Variants in GRID2 observed in about 807,000 individuals in gnomAD.
The protein encoded by GRID2 is glutamate ionotropic receptor delta type subunit 2, also known as glutamate receptor ionotropic, delta-2.
A neutral mutation model predicts 114.8 loss-of-function variants in GRID2; 33 were observed. That is an observed-to-expected ratio of 0.29 (90% CI 0.22 to 0.38). The LOEUF (loss-of-function observed/expected upper bound fraction) is 0.38, where lower values mean the gene tolerates loss of function less well. GRID2 is among the 10% of genes least tolerant of loss of function. The probability of loss-of-function intolerance (pLI) is 1.00; values close to 1 mark genes in which losing one functional copy is unlikely to be tolerated. For missense variants in GRID2, 1,184 were observed against 1,257.7 expected, an observed-to-expected ratio of 0.94 and a Z score of 0.89; for synonymous variants, 505 against 449.9, an observed-to-expected ratio of 1.12 and a Z score of -1.55.
At chr4:93,023,984 C>T (rs1336100730) in intron 2 of GRID2, among the ~76,000 whole-genome samples, 1 of 151,682 alleles carries the variant, frequency 6.6e-6, no homozygotes, top group Non-Finnish European at 1.5e-5. Flanking sequence ...CCACCTAGCC[C>T]ATTGTTGAGC....
chr4:93,264,352 T>C (rs950825970), intron 8 of GRID2, among the ~76,000 whole-genome samples: 1 of 151,924 alleles, frequency 6.6e-6, no homozygotes, highest in African/African-American at 2.4e-5. Context: ...ATAGTATGAG[T>C]TTTTCCAGGT....
intron 13 of GRID2, among the ~76,000 whole-genome samples, chr4:93,581,678 G>A (rs1736996466): frequency 1.3e-5 from 2 of 151,926 alleles, no homozygotes; most frequent in African/African-American, 4.8e-5. Context: ...AGATAGTCAG[G>A]GCTAAATTCT....
chr4:92,527,139 T>A (rs1725082767), intron 1 of GRID2, among the ~76,000 whole-genome samples: 1 of 152,102 alleles, frequency 6.6e-6, no homozygotes, highest in African/African-American at 2.4e-5. Flanking sequence ...ATAACTGTTG[T>A]GTACCTCTTT....
intron 9 of GRID2, among the ~76,000 whole-genome samples, chr4:93,407,425 T>G (rs1032099622): frequency 5.9e-5 from 9 of 152,162 alleles, no homozygotes; most frequent in Admixed American, 5.9e-4. Context: ...TATACTTTTT[T>G]ATAATATGTT....
chr4:93,173,023 C>G (rs1240383678), intron 4 of GRID2, among the ~76,000 whole-genome samples: 1 of 151,406 alleles, frequency 6.6e-6, no homozygotes, highest in East Asian at 1.9e-4. Flanking sequence ...TATTATTTTT[C>G]TGTTCTTAAC....
intron 1 of GRID2, among the ~76,000 whole-genome samples, chr4:92,431,433 C>T (rs1463851149): frequency 1.3e-5 from 2 of 152,074 alleles, no homozygotes; most frequent in Admixed American, 1.3e-4. Context: ...ATCATCCTTG[C>T]ATCTCTGGGA....
chr4:93,134,724 A>G (rs1735088291), intron 4 of GRID2, among the ~76,000 whole-genome samples: 1 of 152,162 alleles, frequency 6.6e-6, no homozygotes, highest in South Asian at 2.1e-4. Flanking sequence ...GCAGTAGCTT[A>G]TAATGATAAT....
chr4:93,788,993 A>T (rs1734645245), intron 1 of GRID2, among the ~76,000 whole-genome samples: 1 of 152,180 alleles, frequency 6.6e-6, no homozygotes, highest in South Asian at 2.1e-4. Flanking sequence ...TTTTTTTATT[A>T]TCCTGTATCT....
intron 13 of GRID2, among the ~76,000 whole-genome samples, chr4:93,594,072 G>A (rs565043061): frequency 1.1e-3 from 171 of 152,274 alleles, no homozygotes; most frequent in Middle Eastern, 6.8e-3. Flanking sequence ...GTCGTTCTCC[G>A]TCCAGCTTTG....
At chr4:93,003,248 G>A (rs1460844133) in intron 2 of GRID2, among the ~76,000 whole-genome samples, 1 of 151,656 alleles carries the variant, frequency 6.6e-6, no homozygotes, top group Non-Finnish European at 1.5e-5. Flanking sequence ...ATTCTCAAAG[G>A]GCAGATTTTA....
chr4:92,999,082 T>C (rs1755381833), intron 2 of GRID2, among the ~76,000 whole-genome samples: 1 of 151,886 alleles, frequency 6.6e-6, no homozygotes, highest in South Asian at 2.1e-4. Context: ...GTGTTTTTAA[T>C]GTACTATTTT....
intron 14 of GRID2, among the ~76,000 whole-genome samples, chr4:93,744,828 T>A (rs1460535295): frequency 6.6e-6 from 1 of 152,092 alleles, no homozygotes; most frequent in Non-Finnish European, 1.5e-5. Flanking sequence ...ACAGCAACCC[T>A]CATTGTTATC....
intron 9 of GRID2, 70 bp from the exon 10 acceptor site, chr4:93,422,701 T>TAA: frequency 1.1e-6 from 1 of 946,062 alleles, no homozygotes; most frequent in Non-Finnish European, 1.7e-6. Context: ...CAAAACTCTT[T>TAA]AAAGAATTAA....
intron 2 of GRID2, among the ~76,000 whole-genome samples, chr4:92,707,260 G>T (rs1323351353): frequency 6.6e-6 from 1 of 152,110 alleles, no homozygotes; most frequent in African/African-American, 2.4e-5. Flanking sequence ...ATAGAGCCAA[G>T]CACAAATGCT....
At chr4:93,584,937 C>T (rs919472882) in intron 13 of GRID2, among the ~76,000 whole-genome samples, 1 of 152,024 alleles carries the variant, frequency 6.6e-6, no homozygotes. Context: ...GGAGCATTGT[C>T]GTGGTGGAGA....
chr4:92,818,858 A>G (rs1269267562), intron 2 of GRID2, among the ~76,000 whole-genome samples: 2 of 152,150 alleles, frequency 1.3e-5, no homozygotes, highest in Admixed American at 6.6e-5. Context: ...TACATGAATA[A>G]TATCTTGAAG....
intron 15 of GRID2, among the ~76,000 whole-genome samples, chr4:93,770,805 T>C (rs770469818): frequency 3.3e-5 from 5 of 152,192 alleles, no homozygotes; most frequent in Non-Finnish European, 5.9e-5. Context: ...CTATATGATA[T>C]TAAAATTTTG....
At chr4:92,461,611 T>A (rs1721499026) in intron 1 of GRID2, among the ~76,000 whole-genome samples, 1 of 151,950 alleles carries the variant, frequency 6.6e-6, no homozygotes, top group Non-Finnish European at 1.5e-5. Context: ...ATAAAATGCC[T>A]TTTTTTAATA....
intron 4 of GRID2, among the ~76,000 whole-genome samples, chr4:93,173,326 A>G (rs1739030632): frequency 6.6e-6 from 1 of 152,158 alleles, no homozygotes; most frequent in Non-Finnish European, 1.5e-5. Flanking sequence ...GTCATAGAGC[A>G]TATTAGTGCT....
Sources: allele counts gnomAD v4.1 joint callset (sites outside exome capture counted in the v4.1 genomes callset), GRCh38; gene constraint gnomAD v4.1.1; transcripts MANE v1.5; gene names NCBI Gene and HGNC (gene_info 2026-07-23, HGNC 2026-07-21).